The following GEMIN5 variants were observed in gnomAD, a reference collection of about 807,000 sequenced individuals.
GEMIN5 encodes gem-associated protein 5.
Under a neutral mutation model 176.9 loss-of-function variants are expected in GEMIN5, and 124 were observed. The observed-to-expected ratio is 0.70, with a 90% CI of 0.61 to 0.81. The LOEUF (loss-of-function observed/expected upper bound fraction) is 0.81, where lower values mean the gene tolerates loss of function less well. Ranked by LOEUF, GEMIN5 falls within the 40% of genes least tolerant of loss-of-function variation. The pLI is 0.00. For synonymous variants in GEMIN5, 673 were observed against 665.2 expected (o/e 1.01, Z -0.18); for missense variants, 1,843 against 1,814.6 (o/e 1.02, Z -0.28).
rs1400142628 is a variant in GEMIN5 at position 154,898,654 on chromosome 5, T to C, written c.3135-4A>G. ...AGCACAAGTGGCCCCTAAATAGCTA[T>C]AATATGAATAAAAATGTGAAGAAAA... On this transcript the variant is annotated splice_region_variant and splice_polypyrimidine_tract_variant and intron_variant, in intron 22 of 27. Transcript: ENST00000285873. The C allele has an allele frequency of 2.5e-6, 4 of 1,591,664 alleles. No individual in the cohort carries two copies. Among genetic ancestry groups the C allele is most frequent in the Non-Finnish European group, 3.4e-6 (4 of 1,159,640 alleles).
At chr5:154,912,194 G>A (rs1763716843) in intron 14 of GEMIN5, among the ~76,000 whole-genome samples, 1 of 152,124 alleles carries the variant, frequency 6.6e-6, no homozygotes, top group Non-Finnish European at 1.5e-5. Context: ...TTAACTTTTG[G>A]GCTTGAGATT....
intron 1 of GEMIN5, among the ~76,000 whole-genome samples, chr5:154,937,586 G>A (rs1764295995): frequency 6.6e-6 from 1 of 152,222 alleles, no homozygotes; most frequent in Admixed American, 6.5e-5. Flanking sequence ...TCATCTTACA[G>A]TAAGGAATGC....
Position 154,937,078 on chromosome 5 carries a change from T to C in GEMIN5, c.274A>G (p.Lys92Glu). The C allele has an allele frequency of 1.2e-6, 2 of 1,614,008 alleles. No individual in the cohort carries two copies. The highest frequency in any genetic ancestry group is 1.7e-6 in the Non-Finnish European group (2 of 1,179,904). ...CATSSDDGTVKIWDVETKTVV... is the reference protein window; with the variant it reads ...CATSSDDGTVEIWDVETKTVV... ...GTTTTTGTCTCTACATCCCATATTTTCACAGTCCCATCGTCGGAGCTGGTG... is the reference window on the plus strand; with the variant it reads ...GTTTTTGTCTCTACATCCCATATTTCCACAGTCCCATCGTCGGAGCTGGTG... The change falls in exon 2 of 28, where the codon AAA (lysine) becomes GAA (glutamate). Residue 92 changes from lysine to glutamate, a missense_variant. Transcript: ENST00000285873.
chr5:154,920,162 T>A (rs1222815167), intron 10 of GEMIN5, 59 bp from the exon 11 acceptor site: 2 of 1,427,504 alleles, frequency 1.4e-6, no homozygotes, highest in Admixed American at 3.8e-5. Context: ...TAACTATTTG[T>A]TGCTATAGTA....
At chr5:154,895,262 G>A (rs1159089899) in intron 24 of GEMIN5, among the ~76,000 whole-genome samples, 3 of 151,644 alleles carry the variant, frequency 2.0e-5, no homozygotes, top group African/African-American at 7.3e-5. Context: ...AGTACTTTGG[G>A]AGGCTGAGGC....
chr5:154,926,686 G>T (rs1582673334), intron 7 of GEMIN5, among the ~76,000 whole-genome samples: 1 of 152,170 alleles, frequency 6.6e-6, no homozygotes, highest in Admixed American at 6.5e-5. Flanking sequence ...TAACACAGGG[G>T]TGTCCAATCT....
intron 22 of GEMIN5, 101 bp downstream of exon 22, chr5:154,899,090 G>C: frequency 8.7e-7 from 1 of 1,155,498 alleles, no homozygotes; most frequent in Non-Finnish European, 1.2e-6. Context: ...ATTCCTTGCT[G>C]CTTTACCTCC....
intron 16 of GEMIN5, among the ~76,000 whole-genome samples, chr5:154,906,284 C>A (rs1310972673): frequency 6.6e-6 from 1 of 152,196 alleles, no homozygotes; most frequent in Non-Finnish European, 1.5e-5. Flanking sequence ...GCATGAACCA[C>A]CATGCCCGCC....
rs773208129 is a variant in GEMIN5 at position 154,932,186 on chromosome 5, G to A, written c.574C>T (p.Arg192Ter). Reference protein sequence around the residue: ...SKKGEVIHRLRGHDDEIHSIA... With the variant: ...SKKGEVIHRL ...GAGTGGATTTCATCATCATGGCCTCGAAGCCTATGAATAACTTCTCCTTTC... is the reference window on the plus strand; with the variant it reads ...GAGTGGATTTCATCATCATGGCCTCAAAGCCTATGAATAACTTCTCCTTTC... The change falls in exon 4 of 28, where the codon CGA becomes TGA. Residue 192 changes from arginine (R) to a stop codon, truncating the protein, a stop_gained. Transcript: ENST00000285873. LOFTEE classifies it high-confidence loss of function. The A allele has an allele frequency of 5.0e-6, 8 of 1,609,758 alleles. No individual in the cohort carries two copies. Among genetic ancestry groups the A allele is most frequent in the East Asian group, 2.2e-5 (1 of 44,852 alleles).
intron 6 of GEMIN5, among the ~76,000 whole-genome samples, chr5:154,927,868 A>G (rs1764080160): frequency 6.6e-6 from 1 of 152,024 alleles, no homozygotes; most frequent in Non-Finnish European, 1.5e-5. Context: ...GTGCACATCT[A>G]TGGTCCCAGT....
At position 154,937,045 on chromosome 5, in the gene GEMIN5, T is replaced by A. The variant is rs1764284226; in HGVS notation, c.307A>T (p.Thr103Ser). Residue 103 changes from threonine to serine, a missense_variant, in exon 2 of 28, where the codon ACA becomes TCA. Physicochemically the swap from Thr to Ser is moderately conservative, Grantham distance 58. Coordinates refer to ENST00000285873, the MANE Select transcript of GEMIN5 (RefSeq NM_015465.5). ...IWDVETKTVVTEHALHQHTIS... is the reference protein window; with the variant it reads ...IWDVETKTVVSEHALHQHTIS... ...GGTACCTGATGGAGTGCATGTTCTG[T>A]CACAACTGTTTTTGTCTCTACATCC... is the stretch of plus-strand genomic sequence containing the variant. 1 of 1,613,888 alleles carries A rather than the reference T, an allele frequency of 6.2e-7. No homozygotes were observed. The highest frequency in any genetic ancestry group is 8.5e-7 in the Non-Finnish European group (1 of 1,179,828).
rs1763531463 is a variant in GEMIN5, at chr5:154,904,564, A to C, written c.2575T>G (p.Ser859Ala). ...LPLSTSLDHR[S>A]KEELHQDCLV... ...CAGTCCTGATGAAGCTCCTCTTTGGATCTGTGGTCCAGGCTTGTACTCAGG... is the reference window on the plus strand; with the variant it reads ...CAGTCCTGATGAAGCTCCTCTTTGGCTCTGTGGTCCAGGCTTGTACTCAGG... Residue 859 changes from serine to alanine, a missense_variant, in exon 18 of 28, where the codon TCC (serine) becomes GCC (alanine). Transcript: ENST00000285873. 2 of 1,612,858 alleles carry C rather than the reference A, an allele frequency of 1.2e-6. No individual in the cohort carries two copies. Among genetic ancestry groups the C allele is most frequent in the Non-Finnish European group, 1.7e-6 (2 of 1,178,858 alleles).
At position 154,896,274 on chromosome 5, in the gene GEMIN5, C is replaced by T. The variant is rs954578547; in HGVS notation, c.3415G>A (p.Gly1139Ser). 4.3e-6 allele frequency: 7 copies of T among 1,612,422 alleles called. No individual in the cohort carries two copies. The African/African-American group carries it at 9.4e-5, about 22-fold the overall frequency. The stretch of plus-strand genomic sequence containing the variant: ...GTGTGGTAAGAGGAGGAGCTTTTGC[C>T]CTCTGAAAGCTGCTTTTCCTCCAGA... Reference protein sequence around the residue: ...RHLEEKQLSEGKSSSSYHTWN... With the variant: ...RHLEEKQLSESKSSSSYHTWN... Residue 1139 changes from glycine to serine, a missense_variant, in exon 24 of 28, where the codon GGC becomes AGC. Coordinates refer to ENST00000285873, the MANE Select transcript of GEMIN5 (RefSeq NM_015465.5).
chr5:154,922,766 G>A (rs1428976508), intron 9 of GEMIN5, among the ~76,000 whole-genome samples: 4 of 133,806 alleles, frequency 3.0e-5, no homozygotes, highest in South Asian at 2.6e-4. Context: ...GCACGATCTC[G>A]GCTCACCGCA....
At chr5:154,930,548 A>C (rs1764139299) in intron 5 of GEMIN5, among the ~76,000 whole-genome samples, 1 of 152,260 alleles carries the variant, frequency 6.6e-6, no homozygotes, top group African/African-American at 2.4e-5. Context: ...TACCAACATC[A>C]ATGAACCTCG....
At chr5:154,890,463 TTTAA>T (rs1161803845) in intron 26 of GEMIN5, among the ~76,000 whole-genome samples, 3 of 151,236 alleles carry the variant, frequency 2.0e-5, no homozygotes, top group African/African-American at 7.3e-5. Flanking sequence ...CTTCTTAAAA[TTTAA>T]TTTTTTTTTT....
At chr5:154,894,816 A>T (rs1273296679) in intron 24 of GEMIN5, among the ~76,000 whole-genome samples, 4 of 152,112 alleles carry the variant, frequency 2.6e-5, no homozygotes, top group African/African-American at 9.7e-5. Flanking sequence ...CTGAGGCAAG[A>T]GAATTGCTTG....
rs1561707443 is a variant in GEMIN5 at position 154,891,596 on chromosome 5, C to A, written c.3907G>T (p.Val1303Leu). 1.2e-6 allele frequency: 2 copies of A among 1,614,122 alleles called. No individual in the cohort carries two copies. Among genetic ancestry groups the A allele is most frequent in the Non-Finnish European group, 8.5e-7 (1 of 1,180,028 alleles). Residue 1303 changes from valine to leucine, a missense_variant, in exon 26 of 28, where the codon GTA (valine) becomes TTA (leucine). Physicochemically the swap from Val to Leu is conservative, Grantham distance 32. Transcript: ENST00000285873. The part of the protein sequence containing the change: ...SRPCPNSSVW[V>L]RAGHRTLSVE... ...GAGAGTGTTCTGTGACCAGCCCTTA[C>A]CCAGACACTGGAATTTGGGCAAGGT...
At chr5:154,916,940 G>T in intron 13 of GEMIN5, 58 bp downstream of exon 13, 1 of 872,084 alleles carries the variant, frequency 1.1e-6, no homozygotes, top group African/African-American at 1.7e-5. Flanking sequence ...ACAAAGATTA[G>T]AATGGAAAGT....
Sources: allele counts gnomAD v4.1 joint callset (sites outside exome capture counted in the v4.1 genomes callset), GRCh38; gene constraint gnomAD v4.1.1; transcripts MANE v1.5; gene names NCBI Gene and HGNC (gene_info 2026-07-23, HGNC 2026-07-21).